Variants in EIF4E observed in about 807,000 individuals in gnomAD.
EIF4E encodes the protein eIF-4F 25 kDa subunit.
For synonymous variants in EIF4E, 71 were observed against 88.5 expected, an observed-to-expected ratio of 0.80 and a Z score of 1.11; for missense variants, 113 against 265.6, an observed-to-expected ratio of 0.43 and a Z score of 3.99.
intron 2 of EIF4E, among the ~76,000 whole-genome samples, chr4:98,892,089 G>A (rs1021588297): frequency 1.5e-4 from 23 of 152,094 alleles, no homozygotes; most frequent in Non-Finnish European, 1.0e-4. Flanking sequence ...GTTCACGCCT[G>A]TAATCCCAGC....
chr4:98,886,898 G>C, intron 5 of EIF4E, 181 bp downstream of exon 5: 1 of 591,778 alleles, frequency 1.7e-6, no homozygotes, highest in Non-Finnish European at 3.0e-6. Context: ...TAATGTGGTA[G>C]GATGTTTCAC....
chr4:98,896,667 CAAAAAAAAAAAAA>C (rs61329973), intron 2 of EIF4E, among the ~76,000 whole-genome samples: 1,980 of 47,702 alleles, frequency 0.042, 76 homozygotes, highest in Admixed American at 0.21. Context: ...ATGTCTCTTC[CAAAAAAAAAAAAA>C]AAAAAAAAAA....
rs368687415 is a variant in EIF4E at position 98,891,323 on chromosome 4, G to C, written c.135C>G (p.Leu45=). 2.5e-6 allele frequency: 4 copies of C among 1,612,430 alleles called. No individual in the cohort carries two copies. In the African/African-American group the frequency reaches 5.3e-5, roughly 22 times the overall value. ...IKHPLQNRWA[L]WFFKNDKSKT... ...TGCTTTTATCATTTTTAAAAAACCA[G>C]AGTGCCCATCTAAAAATAAAAAATC... The change falls in exon 3 of 7, where the codon CTC becomes CTG. Residue 45 remains leucine (L), a synonymous_variant. Transcript: ENST00000450253.
At chr4:98,899,819 T>C (rs544702367) in intron 2 of EIF4E, among the ~76,000 whole-genome samples, 6 of 152,192 alleles carry the variant, frequency 3.9e-5, no homozygotes, top group South Asian at 4.1e-4. Context: ...AAATTTAACA[T>C]TGACTACTCT....
In EIF4E at chr4:98,889,011, T is replaced by C. The variant is rs552162086; in HGVS notation, c.222-1059A>G. On this transcript the variant is annotated intron_variant, in intron 3 of 6. Coordinates refer to ENST00000450253, the MANE Select transcript of EIF4E (RefSeq NM_001968.5). ...CTGTCTCTACTAAAAATACAAAAAT[T>C]AGCCGGGCGTGGTGGCATGCGCCTG... Among the ~76,000 whole-genome samples the C allele has an allele frequency of 2.6e-5, 4 of 151,804 alleles. No individual in the cohort carries two copies. In the South Asian group the frequency reaches 8.3e-4, roughly 32 times the overall value.
At chr4:98,909,358 TCTA>T (rs1725010556) in intron 1 of EIF4E, among the ~76,000 whole-genome samples, 1 of 152,240 alleles carries the variant, frequency 6.6e-6, no homozygotes, top group African/African-American at 2.4e-5. Context: ...CCTTGTAGTA[TCTA>T]CTGTTAGTTC....
At chr4:98,910,369 GAC>G (rs1345206118) in intron 1 of EIF4E, among the ~76,000 whole-genome samples, 2 of 152,130 alleles carry the variant, frequency 1.3e-5, no homozygotes, top group African/African-American at 2.4e-5. Context: ...TGATTCAAAA[GAC>G]AGTACTTCTT....
chr4:98,903,376 T>C, intron 1 of EIF4E: 1 of 418,430 alleles, frequency 2.4e-6, no homozygotes, highest in Non-Finnish European at 4.6e-6. Context: ...TTTTTTTTTG[T>C]ATTTTATTTT....
rs1183599721 is a variant in EIF4E, at chr4:98,880,006, G to GA, written c.*1021dup. ...TAATATAGAGACTGCCTTGCAATAAGAAGTACAAATTCCTTCTATAAAGAT... is the reference window on the plus strand; with the variant it reads ...TAATATAGAGACTGCCTTGCAATAAGAAAGTACAAATTCCTTCTATAAAGAT... On this transcript the variant is annotated 3_prime_UTR_variant, in exon 7 of 7. Transcript: ENST00000450253. 3 of 152,456 alleles carry GA rather than the reference G, an allele frequency of 2.0e-5. No individual in the cohort carries two copies. Among genetic ancestry groups the GA allele is most frequent in the Admixed American group, 6.6e-5 (1 of 15,260 alleles). 9.4% of individuals were successfully genotyped at this position (152,456 alleles called of 1,614,324 possible). A position where few individuals can be genotyped will look rare whatever the true frequency, so the allele number is the denominator to read the frequency against.
In EIF4E at chr4:98,896,801, C is replaced by T. The variant is rs181341296; in HGVS notation, c.125+5075G>A. ...AAGGCCAGCCTGGGAAATAGCAAAA[C>T]TCCAACTCTACAAAAAATACTAAAA... On this transcript the variant is annotated intron_variant, in intron 2 of 6. Coordinates refer to ENST00000450253, the MANE Select transcript of EIF4E (RefSeq NM_001968.5). Among the ~76,000 whole-genome samples, 173 of 149,954 alleles carry T rather than the reference C, an allele frequency of 1.2e-3. 1 individual carries two copies. Among genetic ancestry groups the T allele is most frequent in the African/African-American group, 3.9e-3 (160 of 41,090 alleles).
At chr4:98,921,333 A>C (rs929063418) in intron 1 of EIF4E, among the ~76,000 whole-genome samples, 6 of 152,156 alleles carry the variant, frequency 3.9e-5, no homozygotes, top group African/African-American at 1.4e-4. Flanking sequence ...CAATACTAAT[A>C]TGTTGACATA....
intron 1 of EIF4E, among the ~76,000 whole-genome samples, chr4:98,911,177 T>G (rs1349025477): frequency 1.3e-5 from 2 of 151,650 alleles, no homozygotes; most frequent in South Asian, 4.2e-4. Flanking sequence ...GCCTCCCAAG[T>G]AGCTGGGATT....
Position 98,880,992 on chromosome 4 carries a change from C to T in EIF4E, c.*36G>A, listed in dbSNP as rs1221893529. On this transcript the variant is annotated 3_prime_UTR_variant, in exon 7 of 7. Coordinates refer to ENST00000450253, the MANE Select transcript of EIF4E (RefSeq NM_001968.5). ...CAGCTCCCAAATCTCGATTGCTTGA[C>T]GCAGTCTCCTATGAGAATACTCAGA... The T allele has an allele frequency of 8.3e-6, 13 of 1,572,170 alleles. No individual in the cohort carries two copies. Among genetic ancestry groups the T allele is most frequent in the East Asian group, 2.3e-5 (1 of 44,416 alleles).
At chr4:98,881,181 T>C (rs1723678093) in intron 6 of EIF4E, 39 bp from the exon 7 acceptor site, 2 of 1,602,488 alleles carry the variant, frequency 1.2e-6, no homozygotes, top group Middle Eastern at 1.7e-4. Flanking sequence ...AAAGTAGTCA[T>C]TAACTTTTAC....
intron 2 of EIF4E, among the ~76,000 whole-genome samples, chr4:98,899,446 T>C (rs979690127): frequency 6.6e-6 from 1 of 152,144 alleles, no homozygotes; most frequent in Admixed American, 6.5e-5. Flanking sequence ...AGCAAGGATA[T>C]AGAAACCAGG....
intron 1 of EIF4E, among the ~76,000 whole-genome samples, chr4:98,928,446 G>T (rs978692947): frequency 7.9e-5 from 12 of 151,962 alleles, no homozygotes; most frequent in African/African-American, 2.4e-4. Context: ...CGCAAACACC[G>T]GCAACTCTCC....
intron 6 of EIF4E, among the ~76,000 whole-genome samples, chr4:98,881,617 G>A (rs1013453107): frequency 1.3e-5 from 2 of 151,936 alleles, no homozygotes; most frequent in Non-Finnish European, 2.9e-5. Flanking sequence ...TACATTTCAC[G>A]TCTGAACCCT....
intron 3 of EIF4E, among the ~76,000 whole-genome samples, chr4:98,889,509 A>G (rs1321044177): frequency 6.6e-6 from 1 of 152,216 alleles, no homozygotes; most frequent in African/African-American, 2.4e-5. Flanking sequence ...TGGCACATCT[A>G]AACAGAATCC....
chr4:98,922,894 G>C (rs1183625085), intron 1 of EIF4E, among the ~76,000 whole-genome samples: 1 of 148,780 alleles, frequency 6.7e-6, no homozygotes, highest in African/African-American at 2.5e-5. Flanking sequence ...TGTTGCCCAG[G>C]CTGGAGTGCG....
Sources: allele counts gnomAD v4.1 joint callset (sites outside exome capture counted in the v4.1 genomes callset), GRCh38; gene constraint gnomAD v4.1.1; transcripts MANE v1.5; gene names NCBI Gene and HGNC (gene_info 2026-07-23, HGNC 2026-07-21).